Variants in RGS6 observed in about 807,000 individuals in gnomAD.
RGS6 encodes regulator of G-protein signaling 6.
In RGS6, 30 loss-of-function variants were observed where a neutral mutation model predicts 78.5. The observed-to-expected ratio is 0.38, with a 90% CI of 0.29 to 0.52. The LOEUF (loss-of-function observed/expected upper bound fraction) is 0.52, where lower values mean the gene tolerates loss of function less well. Ranked by LOEUF, RGS6 falls within the 20% of genes least tolerant of loss-of-function variation. The pLI, the probability that RGS6 is intolerant of heterozygous loss-of-function variation, is 0.85. For synonymous variants in RGS6, 206 were observed against 206.0 expected (o/e 1.00, Z 0.00); for missense variants, 495 against 609.7 (o/e 0.81, Z 1.98).
chr14:72,431,129 T>C (rs1385210130), intron 3 of RGS6, among the ~76,000 whole-genome samples: 1 of 152,202 alleles, frequency 6.6e-6, no homozygotes, highest in African/African-American at 2.4e-5. Flanking sequence ...ACTAGGATCT[T>C]ACAGTACACT....
chr14:72,299,743 A>G (rs1293868039), intron 2 of RGS6, among the ~76,000 whole-genome samples: 5 of 152,194 alleles, frequency 3.3e-5, no homozygotes, highest in African/African-American at 1.2e-4. Context: ...GATGTTGAGC[A>G]TCTTCCCATG....
At chr14:72,515,138 C>T (rs1242708510) in intron 14 of RGS6, among the ~76,000 whole-genome samples, 1 of 152,190 alleles carries the variant, frequency 6.6e-6, no homozygotes, top group East Asian at 1.9e-4. Context: ...CCAAGGCAGA[C>T]AGAAGGCCAG....
chr14:72,030,345 CTT>C (rs2090638749), intron 2 of RGS6, among the ~76,000 whole-genome samples: 1 of 152,020 alleles, frequency 6.6e-6, no homozygotes, highest in African/African-American at 2.4e-5. Context: ...GATGAAAAAA[CTT>C]TTCAGGAGGC....
chr14:71,901,108 G>A, the RGS6 span, among the ~76,000 whole-genome samples: 1 of 152,226 alleles, frequency 6.6e-6, no homozygotes, highest in Admixed American at 6.5e-5. Flanking sequence ...GACTTGGAGA[G>A]GATGAACATC....
At chr14:72,195,510 C>T (rs906372116) in intron 2 of RGS6, among the ~76,000 whole-genome samples, 26 of 152,046 alleles carry the variant, frequency 1.7e-4, no homozygotes, top group African/African-American at 6.0e-4. Flanking sequence ...GCTACTGAGT[C>T]CTCAGAGTAG....
chr14:71,986,683 C>T (rs1219829210), intron 2 of RGS6, among the ~76,000 whole-genome samples: 2 of 152,178 alleles, frequency 1.3e-5, no homozygotes, highest in East Asian at 3.9e-4. Flanking sequence ...CGCATTGCAA[C>T]CTGGGTGACA....
chr14:72,199,056 A>G (rs896630857), intron 2 of RGS6, among the ~76,000 whole-genome samples: 1 of 152,168 alleles, frequency 6.6e-6, no homozygotes, highest in Non-Finnish European at 1.5e-5. Flanking sequence ...TGAATGTACA[A>G]TTTCAGGGAT....
At chr14:72,237,298 A>G (rs1182095316) in intron 2 of RGS6, among the ~76,000 whole-genome samples, 1 of 152,180 alleles carries the variant, frequency 6.6e-6, no homozygotes, top group Admixed American at 6.5e-5. Context: ...TTATGAAGAA[A>G]ATTGCTGTGC....
rs144176895 is a variant in RGS6 at position 72,154,239 on chromosome 14, G to A, written c.84+189364G>A. On this transcript the variant is annotated intron_variant, in intron 2 of 17. Coordinates refer to ENST00000553525, the MANE Select transcript of RGS6 (RefSeq NM_001204424.2). ...TGTCTTCCCTTGTTCCCTAAAAGTCGCTGTTATTCTGTTCTTTTTCAAGGT... is the reference window on the plus strand; with the variant it reads ...TGTCTTCCCTTGTTCCCTAAAAGTCACTGTTATTCTGTTCTTTTTCAAGGT... Among the ~76,000 whole-genome samples, 1,414 of 152,128 alleles carry A rather than the reference G, an allele frequency of 9.3e-3. 19 individuals are homozygous for A. Among genetic ancestry groups the A allele is most frequent in the African/African-American group, 0.032 (1,331 of 41,480 alleles).
the RGS6 span, among the ~76,000 whole-genome samples, chr14:71,889,316 G>A: frequency 1.3e-5 from 2 of 152,180 alleles, no homozygotes; most frequent in Non-Finnish European, 2.9e-5. Flanking sequence ...AGCAACCGAG[G>A]AAGAAGCAGT....
chr14:71,974,147 C>T (rs566660497), intron 2 of RGS6, among the ~76,000 whole-genome samples: 1 of 152,100 alleles, frequency 6.6e-6, no homozygotes, highest in Non-Finnish European at 1.5e-5. Flanking sequence ...TATTCTTACA[C>T]TGTGGAGAAC....
chr14:72,523,649 A>G (rs1037933580), intron 15 of RGS6, among the ~76,000 whole-genome samples: 1 of 152,128 alleles, frequency 6.6e-6, no homozygotes, highest in African/African-American at 2.4e-5. Flanking sequence ...ACACCCTGTT[A>G]TCGTGGGCCC....
chr14:72,356,457 CT>C (rs2080312710), intron 3 of RGS6, among the ~76,000 whole-genome samples: 1 of 152,176 alleles, frequency 6.6e-6, no homozygotes, highest in Non-Finnish European at 1.5e-5. Flanking sequence ...ATTACCCAGT[CT>C]CAGATCATTC....
the RGS6 span, among the ~76,000 whole-genome samples, chr14:72,598,891 GA>G: frequency 1.3e-5 from 2 of 152,360 alleles, no homozygotes; most frequent in South Asian, 2.1e-4. Flanking sequence ...TGGGGAGAAG[GA>G]AGAGACCAGG....
At chr14:72,092,178 A>G (rs1267758214) in intron 2 of RGS6, among the ~76,000 whole-genome samples, 1 of 151,812 alleles carries the variant, frequency 6.6e-6, no homozygotes, top group Non-Finnish European at 1.5e-5. Context: ...GGTGCACGCC[A>G]CCACACCCAG....
chr14:72,353,760 A>G (rs1384608335), intron 3 of RGS6, among the ~76,000 whole-genome samples: 1 of 152,078 alleles, frequency 6.6e-6, no homozygotes, highest in East Asian at 1.9e-4. Context: ...AGGTAGGGGG[A>G]TCACCTGAGG....
chr14:72,383,804 G>C (rs58139305), intron 3 of RGS6, among the ~76,000 whole-genome samples: 31 of 151,920 alleles, frequency 2.0e-4, no homozygotes, highest in Non-Finnish European at 3.2e-4. Context: ...TCAAAGGGTG[G>C]GGGGGGACGG....
chr14:72,199,880 A>C (rs2041086208), intron 2 of RGS6, among the ~76,000 whole-genome samples: 3 of 152,202 alleles, frequency 2.0e-5, no homozygotes, highest in Non-Finnish European at 4.4e-5. Context: ...ATTGGAATTT[A>C]GGCACACTCA....
chr14:72,051,921 C>T (rs1028902579), intron 2 of RGS6, among the ~76,000 whole-genome samples: 10 of 152,110 alleles, frequency 6.6e-5, no homozygotes, highest in Non-Finnish European at 1.5e-4. Context: ...AATCTCCTTC[C>T]TTCCTCTATA....
Sources: gnomAD v4.1 joint callset for allele counts (sites outside exome capture counted in the v4.1 genomes callset) on GRCh38, gnomAD v4.1.1 for gene constraint, MANE v1.5 for transcripts, NCBI Gene and HGNC (gene_info 2026-07-23, HGNC 2026-07-21) for gene names.